Variants in LDAH observed in about 807,000 individuals in gnomAD.
LDAH encodes the protein lipid droplet associated hydrolase.
LDAH carries 26 observed loss-of-function variants against 29.6 expected under a neutral mutation model. The ratio of observed to expected loss-of-function variants is 0.88; its 90% CI spans 0.64 to 1.22. LDAH has a LOEUF of 1.22. LDAH is among the 50% of genes most tolerant of loss of function. The pLI, the probability that LDAH is intolerant of heterozygous loss-of-function variation, is 0.00. For missense variants in LDAH, 344 were observed against 387.3 expected (o/e 0.89, Z 0.94); for synonymous variants, 117 against 133.0 (o/e 0.88, Z 0.83).
chr2:20,803,612 C>T (rs1671870168), intron 1 of LDAH, among the ~76,000 whole-genome samples: 1 of 152,212 alleles, frequency 6.6e-6, no homozygotes, highest in African/African-American at 2.4e-5. Flanking sequence ...GCCGCACTGC[C>T]CTGATTCCCT....
Position 20,686,920 on chromosome 2 carries a change from C to T in LDAH, c.961G>A (p.Asp321Asn), listed in dbSNP as rs1194121155. Reference sequence around the variant, plus strand: ...AGGCCAATTTACATTTTGGACAAGTCATCCTTTAGGGAGTCAGCAATCATG... The same window carrying T: ...AGGCCAATTTACATTTTGGACAAGTTATCCTTTAGGGAGTCAGCAATCATG... ...ADMIADSLKD[D>N]LSKM Residue 321 changes from aspartate (D) to asparagine (N), a missense_variant, in exon 7 of 7, where the codon GAC (aspartate) becomes AAC (asparagine). Physicochemically the swap from Asp to Asn is conservative, Grantham distance 23. Coordinates refer to ENST00000237822, the MANE Select transcript of LDAH (RefSeq NM_021925.4). 3 of 1,613,302 alleles carry T rather than the reference C, an allele frequency of 1.9e-6. No homozygotes were observed. Among genetic ancestry groups the T allele is most frequent in the Non-Finnish European group, 2.5e-6 (3 of 1,179,574 alleles).
intron 3 of LDAH, among the ~76,000 whole-genome samples, chr2:20,775,480 C>G (rs1669746649): frequency 6.6e-6 from 1 of 152,176 alleles, no homozygotes; most frequent in Admixed American, 6.5e-5. Context: ...GATGTTGATG[C>G]ACTGGGTCCC....
chr2:20,789,618 G>C (rs1670805452), intron 3 of LDAH, among the ~76,000 whole-genome samples: 1 of 152,112 alleles, frequency 6.6e-6, no homozygotes. Context: ...AAATATGAGA[G>C]AAAAAGCTTC....
intron 3 of LDAH, among the ~76,000 whole-genome samples, chr2:20,776,654 A>G (rs1174840273): frequency 6.6e-6 from 1 of 152,178 alleles, no homozygotes; most frequent in African/African-American, 2.4e-5. Context: ...AGAATCTGGA[A>G]CCTGACTTTG....
intron 4 of LDAH, among the ~76,000 whole-genome samples, chr2:20,755,099 G>T (rs1373970951): frequency 6.6e-6 from 1 of 150,438 alleles, no homozygotes; most frequent in African/African-American, 2.5e-5. Context: ...ATCCTCAAAC[G>T]GTTCAAGAAG....
intron 4 of LDAH, among the ~76,000 whole-genome samples, chr2:20,764,674 A>G (rs1414095901): frequency 6.6e-6 from 1 of 152,238 alleles, no homozygotes; most frequent in Non-Finnish European, 1.5e-5. Context: ...TAAAAAAGCA[A>G]AAATAGAAAT....
At chr2:20,774,190 T>C (rs1300130622) in intron 4 of LDAH, among the ~76,000 whole-genome samples, 1 of 152,224 alleles carries the variant, frequency 6.6e-6, no homozygotes, top group Non-Finnish European at 1.5e-5. Flanking sequence ...ATATCTCTTA[T>C]AGTTCACTTG....
intron 3 of LDAH, among the ~76,000 whole-genome samples, chr2:20,783,378 C>T (rs1287528219): frequency 1.3e-5 from 2 of 152,150 alleles, no homozygotes; most frequent in African/African-American, 4.8e-5. Flanking sequence ...TTTCTGTTTG[C>T]TGGATCTATT....
intron 4 of LDAH, among the ~76,000 whole-genome samples, chr2:20,766,271 C>A (rs1037010475): frequency 1.3e-5 from 2 of 152,210 alleles, no homozygotes; most frequent in Non-Finnish European, 2.9e-5. Context: ...CAAACAGACG[C>A]TTCCATTCTC....
intron 6 of LDAH, among the ~76,000 whole-genome samples, chr2:20,694,158 G>GA (rs1477121305): frequency 9.5e-5 from 4 of 42,036 alleles, no homozygotes; most frequent in African/African-American, 6.0e-4. Flanking sequence ...TCCCAGCTAG[G>GA]GCCCCTACCC....
At position 20,686,726 on chromosome 2, in the gene LDAH, C is replaced by G; in HGVS notation, c.*177G>C. 1 of 553,242 alleles carries G rather than the reference C, an allele frequency of 1.8e-6. No homozygotes were observed. The highest frequency in any genetic ancestry group is 3.2e-6 in the Non-Finnish European group (1 of 314,628). The allele number at this position is 553,242 out of a possible 1,614,324, so 34.3% of individuals were successfully genotyped here. ...GTATGGTTAAACCTATGGAATGATTCATCAACTGTGTTTACTTCAGCCTAT... is the reference window on the plus strand; with the variant it reads ...GTATGGTTAAACCTATGGAATGATTGATCAACTGTGTTTACTTCAGCCTAT... On this transcript the variant is annotated 3_prime_UTR_variant, in exon 7 of 7. Coordinates refer to ENST00000237822, the MANE Select transcript of LDAH (RefSeq NM_021925.4).
intron 5 of LDAH, among the ~76,000 whole-genome samples, chr2:20,705,352 T>C (rs993651214): frequency 5.9e-5 from 9 of 152,358 alleles, no homozygotes; most frequent in Middle Eastern, 3.4e-3. Context: ...TGAAGTTTCA[T>C]AGGAATATGC....
chr2:20,765,060 C>A (rs1280739078), intron 4 of LDAH, among the ~76,000 whole-genome samples: 2 of 152,136 alleles, frequency 1.3e-5, no homozygotes, highest in Non-Finnish European at 2.9e-5. Flanking sequence ...TATGTTCCCC[C>A]TACACCCCAG....
chr2:20,788,409 G>A (rs560612359), intron 3 of LDAH, among the ~76,000 whole-genome samples: 1 of 152,250 alleles, frequency 6.6e-6, no homozygotes, highest in Non-Finnish European at 1.5e-5. Flanking sequence ...ACAAAAAATT[G>A]TATCTGATAT....
At chr2:20,690,522 T>G (rs574048510) in intron 6 of LDAH, among the ~76,000 whole-genome samples, 98 of 152,358 alleles carry the variant, frequency 6.4e-4, no homozygotes, top group Middle Eastern at 3.4e-3. Context: ...ATGAAAGTCT[T>G]GGCTTACAAG....
At chr2:20,798,130 C>G (rs926397690) in intron 2 of LDAH, among the ~76,000 whole-genome samples, 2 of 152,140 alleles carry the variant, frequency 1.3e-5, no homozygotes, top group Non-Finnish European at 2.9e-5. Flanking sequence ...TATTTCCAAC[C>G]TAGAGTCTAA....
chr2:20,751,676 C>T (rs1292794818), intron 4 of LDAH, among the ~76,000 whole-genome samples: 1 of 152,116 alleles, frequency 6.6e-6, no homozygotes, highest in Non-Finnish European at 1.5e-5. Flanking sequence ...GGGGGAAAAA[C>T]TTCCTTACTA....
At chr2:20,706,100 C>T (rs1156473178) in intron 5 of LDAH, among the ~76,000 whole-genome samples, 1 of 152,176 alleles carries the variant, frequency 6.6e-6, no homozygotes, top group East Asian at 1.9e-4. Context: ...GTCTACCTTA[C>T]TGAGCAGTGA....
At chr2:20,791,050 G>A (rs1371743291) in intron 2 of LDAH, among the ~76,000 whole-genome samples, 2 of 152,134 alleles carry the variant, frequency 1.3e-5, no homozygotes, top group Non-Finnish European at 2.9e-5. Flanking sequence ...TCTCTGATCA[G>A]TTTATCTATT....
Sources: gnomAD v4.1 joint callset for allele counts (sites outside exome capture counted in the v4.1 genomes callset) on GRCh38, gnomAD v4.1.1 for gene constraint, MANE v1.5 for transcripts, NCBI Gene and HGNC (gene_info 2026-07-23, HGNC 2026-07-21) for gene names.